CCSER1: variants seen among roughly 807,000 people sequenced by gnomAD.
The protein encoded by CCSER1 is coiled-coil serine rich protein 1.
In CCSER1, 41 loss-of-function variants were observed where a neutral mutation model predicts 82.0. The observed-to-expected ratio is 0.50, with a 90% CI of 0.39 to 0.65. CCSER1 has a LOEUF of 0.65. Among genes scored for constraint, CCSER1 ranks in the 30% least tolerant of loss-of-function variants. The pLI is 0.00. For synonymous variants in CCSER1, 414 were observed against 383.9 expected (o/e 1.08, Z -0.92); for missense variants, 1,119 against 1,064.2 (o/e 1.05, Z -0.72).
chr4:90,404,635 G>GAGC (rs1301563822), intron 4 of CCSER1, among the ~76,000 whole-genome samples: 7 of 152,192 alleles, frequency 4.6e-5, no homozygotes, highest in Admixed American at 4.6e-4. Context: ...ACCTCCACCA[G>GAGC]AGCAGGTGCT....
intron 10 of CCSER1, among the ~76,000 whole-genome samples, chr4:91,379,011 A>T (rs6858336): frequency 0.013 from 1,930 of 152,124 alleles, 39 homozygotes; most frequent in African/African-American, 0.044. Flanking sequence ...GAGATAATCA[A>T]GTGGTTTTTG....
chr4:91,118,688 C>T (rs1024697853), intron 10 of CCSER1, among the ~76,000 whole-genome samples: 1 of 152,102 alleles, frequency 6.6e-6, no homozygotes, highest in African/African-American at 2.4e-5. Context: ...CAAAAGAATG[C>T]CTTCTGTTTA....
intron 10 of CCSER1, among the ~76,000 whole-genome samples, chr4:91,591,946 G>C (rs568032322): frequency 6.6e-6 from 1 of 152,054 alleles, no homozygotes; most frequent in African/African-American, 2.4e-5. Context: ...GGTTTTGAAA[G>C]ATCTGTTAAA....
intron 10 of CCSER1, among the ~76,000 whole-genome samples, chr4:91,247,398 A>C (rs1244834628): frequency 1.3e-5 from 2 of 152,200 alleles, no homozygotes; most frequent in Non-Finnish European, 2.9e-5. Flanking sequence ...TGATCCTGGA[A>C]CAATCCAGGT....
chr4:91,518,537 T>C (rs968187066), intron 10 of CCSER1, among the ~76,000 whole-genome samples: 2 of 152,166 alleles, frequency 1.3e-5, no homozygotes, highest in Admixed American at 6.5e-5. Context: ...GTGGAGCTGC[T>C]CCTACTGAGA....
chr4:91,500,385 A>G (rs536356534), intron 10 of CCSER1, among the ~76,000 whole-genome samples: 2 of 152,204 alleles, frequency 1.3e-5, no homozygotes, highest in East Asian at 3.9e-4. Flanking sequence ...TTTACCAGAT[A>G]CATCTGCAAA....
chr4:90,458,404 G>A (rs983951863), intron 4 of CCSER1, among the ~76,000 whole-genome samples: 4 of 151,938 alleles, frequency 2.6e-5, no homozygotes, highest in African/African-American at 9.7e-5. Flanking sequence ...CCCAGGCTGG[G>A]GTACAGTGGC....
intron 3 of CCSER1, among the ~76,000 whole-genome samples, chr4:90,380,713 A>T: frequency 6.6e-6 from 1 of 152,186 alleles, no homozygotes; most frequent in South Asian, 2.1e-4. Flanking sequence ...CATTTTCCAT[A>T]CCTTTAAAAC....
chr4:91,143,219 G>T (rs1417303609), intron 10 of CCSER1, among the ~76,000 whole-genome samples: 1 of 149,880 alleles, frequency 6.7e-6, no homozygotes, highest in Admixed American at 6.6e-5. Context: ...TGTGTTTCTA[G>T]GTATTTTTTT....
At chr4:90,810,834 T>TTTTTC (rs1193678603) in intron 7 of CCSER1, among the ~76,000 whole-genome samples, 1 of 134,264 alleles carries the variant, frequency 7.4e-6, no homozygotes, top group African/African-American at 2.9e-5. Flanking sequence ...GAGTAATTCT[T>TTTTTC]TTTTTTTTTT....
Position 90,830,099 on chromosome 4 carries a change from G to C in CCSER1, c.2094+14254G>C, listed in dbSNP as rs188945963. 4.2e-3 allele frequency among the ~76,000 whole-genome samples: 645 copies of C among 152,276 alleles called. 2 individuals carry two copies. The highest frequency in any genetic ancestry group is 6.3e-3 in the Non-Finnish European group (431 of 68,018). ...ATTATCGTTTCTAGAGAGGCAATAC[G>C]ATAATTGCCAAACCATCACCGGACA... On this transcript the variant is annotated intron_variant, in intron 8 of 10. Transcript: ENST00000509176.
chr4:90,689,861 A>G lies in CCSER1; in HGVS notation c.1933-34053A>G, dbSNP rs1424891618. Among the ~76,000 whole-genome samples, 4 of 151,922 alleles carry G rather than the reference A, an allele frequency of 2.6e-5. No homozygotes were observed. In the East Asian group the frequency reaches 5.8e-4, roughly 22 times the overall value. ...CTAGACAAAGAAGTAAGGCTTTTAT[A>G]CTCCTGTTAGCCAGGATGGGAGGCA... On this transcript the variant is annotated intron_variant, in intron 6 of 10. Transcript: ENST00000509176.
At chr4:91,189,048 C>T (rs573696254) in intron 10 of CCSER1, among the ~76,000 whole-genome samples, 4 of 152,122 alleles carry the variant, frequency 2.6e-5, no homozygotes, top group African/African-American at 9.6e-5. Flanking sequence ...CTCTGCAAAC[C>T]TCCCGAACGG....
chr4:90,892,469 G>A (rs938939674), intron 8 of CCSER1, among the ~76,000 whole-genome samples: 3 of 151,988 alleles, frequency 2.0e-5, no homozygotes, highest in Admixed American at 2.0e-4. Context: ...TATTTATTAG[G>A]TATATATTAT....
At chr4:91,512,952 TA>T (rs1477277319) in intron 10 of CCSER1, among the ~76,000 whole-genome samples, 2 of 152,092 alleles carry the variant, frequency 1.3e-5, no homozygotes, top group East Asian at 3.9e-4. Flanking sequence ...GGATACCTTT[TA>T]TTTTTTTTAT....
At chr4:91,510,669 A>T (rs575260208) in intron 10 of CCSER1, among the ~76,000 whole-genome samples, 26 of 152,188 alleles carry the variant, frequency 1.7e-4, no homozygotes, top group Non-Finnish European at 3.1e-4. Context: ...ACTTTTTAAT[A>T]GGGTTTGTTT....
At chr4:91,017,446 C>T (rs1388679043) in intron 9 of CCSER1, 1 of 152,106 alleles carries the variant, frequency 6.6e-6, no homozygotes, top group African/African-American at 2.4e-5. Flanking sequence ...GGTACATGTG[C>T]AGGTTCGTTA....
chr4:90,964,522 G>A (rs1204750606), intron 9 of CCSER1, among the ~76,000 whole-genome samples: 2 of 151,340 alleles, frequency 1.3e-5, no homozygotes, highest in Admixed American at 6.6e-5. Flanking sequence ...TCAGGAGATC[G>A]GGACCATCCT....
At chr4:91,301,540 G>C (rs1030338583) in intron 10 of CCSER1, among the ~76,000 whole-genome samples, 2 of 146,636 alleles carry the variant, frequency 1.4e-5, no homozygotes, top group Admixed American at 6.9e-5. Context: ...ATAAAATATA[G>C]TATATATATA....
Sources: gnomAD v4.1 joint callset for allele counts (sites outside exome capture counted in the v4.1 genomes callset) on GRCh38, gnomAD v4.1.1 for gene constraint, MANE v1.5 for transcripts, NCBI Gene and HGNC (gene_info 2026-07-23, HGNC 2026-07-21) for gene names.